Variants in ZFYVE9 observed in about 807,000 individuals in gnomAD.
ZFYVE9 encodes the protein zinc finger FYVE domain-containing protein 9.
In ZFYVE9, 43 loss-of-function variants were observed where a neutral mutation model predicts 126.7. The ratio of observed to expected loss-of-function variants is 0.34; its 90% CI spans 0.27 to 0.44. The LOEUF (loss-of-function observed/expected upper bound fraction) is 0.44, where lower values mean the gene tolerates loss of function less well. ZFYVE9 is among the 20% of genes least tolerant of loss of function. ZFYVE9 has a pLI of 1.00. For synonymous variants in ZFYVE9, 521 were observed against 597.4 expected (o/e 0.87, Z 1.87); for missense variants, 1,476 against 1,697.0 (o/e 0.87, Z 2.29).
At chr1:52,317,902 G>T (rs952018423) in intron 13 of ZFYVE9, among the ~76,000 whole-genome samples, 3 of 152,078 alleles carry the variant, frequency 2.0e-5, no homozygotes, top group African/African-American at 7.2e-5. Context: ...TTTATTAAAA[G>T]AATTGACTTT....
intron 17 of ZFYVE9, among the ~76,000 whole-genome samples, chr1:52,344,013 A>C (rs1646463349): frequency 6.6e-6 from 1 of 151,630 alleles, no homozygotes; most frequent in Non-Finnish European, 1.5e-5. Flanking sequence ...CAAAGGTTGC[A>C]GTGGGCAGAG....
chr1:52,156,480 C>T (rs902270106), intron 1 of ZFYVE9, among the ~76,000 whole-genome samples: 1 of 152,194 alleles, frequency 6.6e-6, no homozygotes, highest in African/African-American at 2.4e-5. Context: ...TTGATTTACA[C>T]CCAGGGGACG....
At chr1:52,251,920 T>TTTTGTGTTTTTAGAAGTTTATCCA (rs1645451336) in intron 4 of ZFYVE9, 2 of 153,078 alleles carry the variant, frequency 1.3e-5, no homozygotes, top group Non-Finnish European at 2.9e-5. Context: ...TCTTGGTAGG[T>TTTTGTGTTTTTAGAAGTTTATCCA]TTTGTGTTTT....
chr1:52,156,060 T>C (rs1057041894), intron 1 of ZFYVE9, among the ~76,000 whole-genome samples: 3 of 152,236 alleles, frequency 2.0e-5, no homozygotes, highest in East Asian at 1.9e-4. Context: ...TGGATCTATA[T>C]GCTTTGAGTC....
At chr1:52,153,917 A>G (rs950052595) in intron 1 of ZFYVE9, among the ~76,000 whole-genome samples, 1 of 152,200 alleles carries the variant, frequency 6.6e-6, no homozygotes, top group African/African-American at 2.4e-5. Flanking sequence ...ACCTAGCTCT[A>G]AATCAGTGCA....
At chr1:52,295,339 G>GGTTTGTTTGTTT (rs144066928) in intron 11 of ZFYVE9, among the ~76,000 whole-genome samples, 30 of 149,686 alleles carry the variant, frequency 2.0e-4, no homozygotes, top group Non-Finnish European at 3.4e-4. Context: ...AGACCTTGTG[G>GGTTTGTTTGTTT]GTTTGTTTGT....
At chr1:52,314,784 C>T (rs1449021025) in intron 13 of ZFYVE9, among the ~76,000 whole-genome samples, 3 of 151,940 alleles carry the variant, frequency 2.0e-5, no homozygotes, top group African/African-American at 7.3e-5. Flanking sequence ...TGCACTCCAA[C>T]TTGGACTACA....
chr1:52,221,373 A>G (rs1391319780), intron 2 of ZFYVE9, among the ~76,000 whole-genome samples: 4 of 152,232 alleles, frequency 2.6e-5, no homozygotes, highest in African/African-American at 9.6e-5. Flanking sequence ...ATTTATGCGT[A>G]GATTCTTCTG....
At chr1:52,259,642 A>AG (rs1192542622) in intron 4 of ZFYVE9, among the ~76,000 whole-genome samples, 2 of 150,966 alleles carry the variant, frequency 1.3e-5, no homozygotes, top group East Asian at 3.9e-4. Flanking sequence ...AAAAAAAAAA[A>AG]AAAAAATCGC....
At chr1:52,292,143 G>A (rs1645926830) in intron 10 of ZFYVE9, among the ~76,000 whole-genome samples, 1 of 151,774 alleles carries the variant, frequency 6.6e-6, no homozygotes, top group African/African-American at 2.4e-5. Context: ...TCAGCTGAGT[G>A]TGGTGGTGCA....
At chr1:52,225,856 A>G (rs1033011009) in intron 2 of ZFYVE9, among the ~76,000 whole-genome samples, 2 of 152,170 alleles carry the variant, frequency 1.3e-5, no homozygotes, top group African/African-American at 4.8e-5. Flanking sequence ...CCCAAGGTTC[A>G]TCGTCTTGTG....
chr1:52,183,822 T>C (rs1207018879), intron 1 of ZFYVE9, among the ~76,000 whole-genome samples: 16 of 150,978 alleles, frequency 1.1e-4, no homozygotes, highest in Admixed American at 9.9e-4. Context: ...GTGTCTTTAA[T>C]GTATAAGCTT....
chr1:52,169,486 T>A (rs1329945241), intron 1 of ZFYVE9, among the ~76,000 whole-genome samples: 1 of 152,200 alleles, frequency 6.6e-6, no homozygotes, highest in Non-Finnish European at 1.5e-5. Flanking sequence ...TCATATATTT[T>A]ACATGTTTAT....
intron 1 of ZFYVE9, among the ~76,000 whole-genome samples, chr1:52,175,301 ATTCTT>A (rs1454361951): frequency 1.3e-5 from 2 of 150,002 alleles, no homozygotes; most frequent in African/African-American, 4.9e-5. Context: ...TGGGTTGAAA[ATTCTT>A]TTCTTTAAGA....
intron 1 of ZFYVE9, chr1:52,160,695 T>C (rs1277618085): frequency 2.0e-6 from 1 of 492,434 alleles, no homozygotes; most frequent in Non-Finnish European, 3.6e-6. Context: ...ATTACAGGCG[T>C]GAGCCACTGT....
At chr1:52,225,543 C>T (rs183932840) in intron 2 of ZFYVE9, among the ~76,000 whole-genome samples, 206 of 152,346 alleles carry the variant, frequency 1.4e-3, no homozygotes, top group African/African-American at 4.5e-3. Context: ...CTGTGTCTTT[C>T]CCATGTTGGA....
intron 1 of ZFYVE9, among the ~76,000 whole-genome samples, chr1:52,190,758 A>G (rs1253511478): frequency 1.3e-5 from 2 of 152,196 alleles, no homozygotes; most frequent in African/African-American, 2.4e-5. Context: ...CTTTGTCAGT[A>G]TATTAATTTT....
At chr1:52,227,048 G>A (rs1440431727) in intron 2 of ZFYVE9, among the ~76,000 whole-genome samples, 1 of 152,156 alleles carries the variant, frequency 6.6e-6, no homozygotes, top group Admixed American at 6.5e-5. Flanking sequence ...AGGGTATATA[G>A]GTGAGAAAGG....
At chr1:52,235,763 C>G (rs1226479048) in intron 3 of ZFYVE9, among the ~76,000 whole-genome samples, 1 of 152,102 alleles carries the variant, frequency 6.6e-6, no homozygotes, top group Non-Finnish European at 1.5e-5. Context: ...TTACATAAAA[C>G]TGTCTTTGAA....
Sources: gnomAD v4.1 joint callset for allele counts (sites outside exome capture counted in the v4.1 genomes callset) on GRCh38, gnomAD v4.1.1 for gene constraint, MANE v1.5 for transcripts, NCBI Gene and HGNC (gene_info 2026-07-23, HGNC 2026-07-21) for gene names.